CTIF: variants seen among roughly 807,000 people sequenced by gnomAD.
CTIF encodes the protein CBP80/20-dependent translation initiation factor.
CTIF carries 21 observed loss-of-function variants against 66.0 expected under a neutral mutation model. The ratio of observed to expected loss-of-function variants is 0.32; its 90% CI spans 0.23 to 0.46. CTIF has a LOEUF of 0.46. Among genes scored for constraint, CTIF ranks in the 20% least tolerant of loss-of-function variants. CTIF has a pLI of 1.00. For synonymous variants in CTIF, 345 were observed against 326.4 expected, an observed-to-expected ratio of 1.06 and a Z score of -0.62; for missense variants, 739 against 812.7, an observed-to-expected ratio of 0.91 and a Z score of 1.10.
intron 7 of CTIF, among the ~76,000 whole-genome samples, chr18:48,753,150 C>T (rs899685029): frequency 6.6e-6 from 1 of 152,192 alleles, no homozygotes; most frequent in Non-Finnish European, 1.5e-5. Flanking sequence ...GGTGCCTACG[C>T]TGGTAATAAG....
intron 7 of CTIF, among the ~76,000 whole-genome samples, chr18:48,753,205 A>G (rs1908008818): frequency 6.6e-6 from 1 of 152,206 alleles, no homozygotes; most frequent in African/African-American, 2.4e-5. Flanking sequence ...GCCCATGCAT[A>G]GTTTTAAAAC....
intron 9 of CTIF, among the ~76,000 whole-genome samples, chr18:48,793,941 T>C (rs1004391867): frequency 2.0e-5 from 3 of 152,222 alleles, no homozygotes; most frequent in Non-Finnish European, 4.4e-5. Context: ...CAGCCACCCA[T>C]GCCCGCACAG....
At chr18:48,686,404 G>T (rs2091840622) in intron 6 of CTIF, among the ~76,000 whole-genome samples, 1 of 152,068 alleles carries the variant, frequency 6.6e-6, no homozygotes, top group Non-Finnish European at 1.5e-5. Flanking sequence ...ACTTGTTCTG[G>T]GCTTATCTGG....
chr18:48,777,857 G>A (rs998772840), intron 9 of CTIF, among the ~76,000 whole-genome samples: 1 of 152,320 alleles, frequency 6.6e-6, no homozygotes. Flanking sequence ...AGAGCAGGCC[G>A]CAGCCTCATC....
chr18:48,676,165 G>T (rs915203303), intron 6 of CTIF, among the ~76,000 whole-genome samples: 2 of 152,134 alleles, frequency 1.3e-5, no homozygotes. Context: ...CCCTAGGTGA[G>T]CATTAGATTT....
At chr18:48,570,972 C>A (rs888852945) in intron 1 of CTIF, among the ~76,000 whole-genome samples, 2 of 152,012 alleles carry the variant, frequency 1.3e-5, no homozygotes, top group South Asian at 2.1e-4. Flanking sequence ...CACAACAGTG[C>A]GAATGTACTA....
intron 1 of CTIF, among the ~76,000 whole-genome samples, chr18:48,608,468 G>A (rs1187433887): frequency 3.3e-5 from 5 of 152,118 alleles, no homozygotes; most frequent in East Asian, 1.9e-4. Context: ...AGGACAAGGC[G>A]GTCATCGAAA....
intron 3 of CTIF, among the ~76,000 whole-genome samples, chr18:48,638,379 C>T (rs2090863172): frequency 6.6e-6 from 1 of 152,166 alleles, no homozygotes; most frequent in Non-Finnish European, 1.5e-5. Flanking sequence ...CCTTTTTCCT[C>T]TCCTCTTTAC....
At chr18:48,804,390 T>C (rs58934498) in intron 9 of CTIF, among the ~76,000 whole-genome samples, 41,400 of 152,092 alleles carry the variant, frequency 0.27, 5,926 homozygotes, top group Admixed American at 0.37. Context: ...GGCTGAGTCC[T>C]CAGGGCCAGG....
At chr18:48,580,249 A>G (rs904103825) in intron 1 of CTIF, among the ~76,000 whole-genome samples, 7 of 152,186 alleles carry the variant, frequency 4.6e-5, no homozygotes, top group African/African-American at 1.7e-4. Context: ...GGTGCGGGTC[A>G]CTGGCACTGA....
At chr18:48,637,202 T>C (rs1460071264) in intron 3 of CTIF, among the ~76,000 whole-genome samples, 1 of 152,176 alleles carries the variant, frequency 6.6e-6, no homozygotes, top group Non-Finnish European at 1.5e-5. Flanking sequence ...CCAACAGTCC[T>C]GGGACCCCGC....
chr18:48,552,756 CTAAGAAGTGGCA>C (rs1478296142), intron 1 of CTIF, among the ~76,000 whole-genome samples: 5 of 152,292 alleles, frequency 3.3e-5, no homozygotes, highest in African/African-American at 1.2e-4. Context: ...GGCCACACAG[CTAAGAAGTGGCA>C]TAACCAGTTT....
intron 9 of CTIF, among the ~76,000 whole-genome samples, chr18:48,807,131 A>G (rs142581519): frequency 7.8e-4 from 119 of 152,134 alleles, no homozygotes; most frequent in African/African-American, 2.7e-3. Flanking sequence ...GGCAACCTAT[A>G]ACATGTGTCA....
intron 7 of CTIF, among the ~76,000 whole-genome samples, chr18:48,715,343 G>GA (rs1439887327): frequency 6.6e-6 from 1 of 152,228 alleles, no homozygotes; most frequent in Non-Finnish European, 1.5e-5. Flanking sequence ...TTTGTTTTTG[G>GA]AAGCTAAGAA....
At chr18:48,713,636 T>C (rs2092251177) in intron 7 of CTIF, among the ~76,000 whole-genome samples, 1 of 152,010 alleles carries the variant, frequency 6.6e-6, no homozygotes, top group Non-Finnish European at 1.5e-5. Context: ...GTGGAAAGTA[T>C]GTCCTGTGAG....
chr18:48,695,824 A>G (rs2091998308), intron 6 of CTIF, among the ~76,000 whole-genome samples: 1 of 152,232 alleles, frequency 6.6e-6, no homozygotes, highest in African/African-American at 2.4e-5. Context: ...TTGCTCAGTC[A>G]GGAGAAGAGC....
At chr18:48,641,069 C>T (rs2090920182) in intron 3 of CTIF, among the ~76,000 whole-genome samples, 1 of 152,210 alleles carries the variant, frequency 6.6e-6, no homozygotes, top group African/African-American at 2.4e-5. Flanking sequence ...AAGACTCACC[C>T]ATCACCTAGT....
intron 10 of CTIF, among the ~76,000 whole-genome samples, chr18:48,839,386 C>T (rs890926935): frequency 1.3e-5 from 2 of 152,146 alleles, no homozygotes; most frequent in East Asian, 1.9e-4. Flanking sequence ...CAGTTCTTCC[C>T]GTCACTGACC....
chr18:48,862,936 G>A lies in CTIF; in HGVS notation c.*3377G>A, dbSNP rs1216593599. On this transcript the variant is annotated 3_prime_UTR_variant, in exon 12 of 12. Coordinates refer to ENST00000256413, the MANE Select transcript of CTIF (RefSeq NM_014772.3). The stretch of plus-strand genomic sequence containing the variant: ...CCCTCAGCTGCAGGGCACTGTGTTG[G>A]GAAACCATTGGCTGGGCCTTTGAGG... 1 of 152,314 alleles carries A rather than the reference G, an allele frequency of 6.6e-6. No homozygotes were observed. Among genetic ancestry groups the A allele is most frequent in the Admixed American group, 6.5e-5 (1 of 15,290 alleles). The allele number at this position is 152,314 out of a possible 1,614,324, so 9.4% of individuals were successfully genotyped here.
Sources: gnomAD v4.1 joint callset for allele counts (sites outside exome capture counted in the v4.1 genomes callset) on GRCh38, gnomAD v4.1.1 for gene constraint, MANE v1.5 for transcripts, NCBI Gene and HGNC (gene_info 2026-07-23, HGNC 2026-07-21) for gene names.